The following ATP2B3 variants were observed in gnomAD, a reference collection of about 807,000 sequenced individuals.
ATP2B3 encodes plasma membrane calcium-transporting ATPase 3.
ATP2B3 carries 12 observed loss-of-function variants against 70.8 expected under a neutral mutation model. The observed-to-expected ratio is 0.17, with a 90% confidence interval of 0.11 to 0.27. ATP2B3 has a LOEUF of 0.27. Ranked by LOEUF, ATP2B3 falls within the 10% of genes least tolerant of loss-of-function variation. The probability of loss-of-function intolerance (pLI) is 1.00; values close to 1 mark genes in which losing one functional copy is unlikely to be tolerated. For missense variants in ATP2B3, 858 were observed against 1,118.5 expected (o/e 0.77, Z 3.32); for synonymous variants, 460 against 497.8 (o/e 0.92, Z 1.01).
intron 13 of ATP2B3, 100 bp downstream of exon 13, chrX:153,553,369 C>T (rs781949635): frequency 2.5e-5 from 18 of 713,545 alleles, no homozygotes; most frequent in Non-Finnish European, 3.7e-5. Context: ...ACAGCTGCTG[C>T]GGTCCCTCCG....
At chrX:153,557,234 A>G (rs2090552311) in intron 16 of ATP2B3, among the ~76,000 whole-genome samples, 1 of 112,146 alleles carries the variant, frequency 8.9e-6, no homozygotes, top group African/African-American at 3.2e-5. Flanking sequence ...TGTGATGCCC[A>G]AGGTGACAGT....
At chrX:153,569,255 A>C (rs1557019130) in intron 21 of ATP2B3, 1 of 471,379 alleles carries the variant, frequency 2.1e-6, no homozygotes, top group South Asian at 2.3e-5. Context: ...GGTGTGTTGG[A>C]GAGGAAAAAC....
intron 7 of ATP2B3, among the ~76,000 whole-genome samples, chrX:153,543,460 G>A (rs2090317786): frequency 8.8e-6 from 1 of 113,067 alleles, no homozygotes; most frequent in Non-Finnish European, 1.9e-5. Context: ...GGCGTTAGAG[G>A]GACAGGAGCT....
intron 21 of ATP2B3, chrX:153,569,096 T>A (rs2090751295): frequency 3.5e-6 from 1 of 288,693 alleles, no homozygotes; most frequent in African/African-American, 2.7e-5. Flanking sequence ...ATTCTTCTGC[T>A]GAAGTTTCGA....
intron 9 of ATP2B3, 149 bp from the exon 10 acceptor site, chrX:153,548,491 T>C (rs1192020244): frequency 3.9e-6 from 2 of 514,584 alleles, no homozygotes; most frequent in African/African-American, 4.8e-5. Context: ...GAGCCAAACC[T>C]GGGCTGTTTA....
intron 15 of ATP2B3, 124 bp downstream of exon 15, chrX:153,556,542 C>A: frequency 1.3e-6 from 1 of 744,681 alleles, no homozygotes; most frequent in Non-Finnish European, 2.0e-6. Context: ...TCCATTTGTC[C>A]CATTAGCCCA....
At chrX:153,563,548 C>T (rs781978601) in intron 20 of ATP2B3, among the ~76,000 whole-genome samples, 2 of 112,144 alleles carry the variant, frequency 1.8e-5, no homozygotes, top group East Asian at 5.6e-4. Flanking sequence ...GACAGCCCAC[C>T]CAGTTCCTGT....
rs571781629 is a variant in ATP2B3 at position 153,534,332 on chromosome X, C to T, written c.-126-1790C>T. Among the ~76,000 whole-genome samples, 86 of 112,266 alleles carry T rather than the reference C, an allele frequency of 7.7e-4. No individual in the cohort carries two copies. The South Asian group carries it at 0.025, about 32-fold the overall frequency. ...CTTCCCCAAGCCAGCCTCAGTTTCCCGCATCAGAAAAGCAAGGGCAATTCG... is the reference window on the plus strand; with the variant it reads ...CTTCCCCAAGCCAGCCTCAGTTTCCTGCATCAGAAAAGCAAGGGCAATTCG... On this transcript the variant is annotated intron_variant, in intron 2 of 21. Transcript: ENST00000263519.
At chrX:153,573,189 C>T (rs1430491430) in intron 21 of ATP2B3, among the ~76,000 whole-genome samples, 4 of 112,365 alleles carry the variant, frequency 3.6e-5, no homozygotes, top group Non-Finnish European at 5.6e-5. Context: ...ATGCTGGAAA[C>T]AGATCACAGC....
At chrX:153,559,166 C>G (rs1557015158) in intron 17 of ATP2B3, 1 of 113,418 alleles carries the variant, frequency 8.8e-6, no homozygotes, top group East Asian at 2.8e-4. Flanking sequence ...CCCAAAAGGA[C>G]ACCCAGACCC....
intron 19 of ATP2B3, 86 bp from the exon 20 acceptor site, chrX:153,562,049 G>A: frequency 1.2e-6 from 1 of 868,228 alleles, no homozygotes; most frequent in East Asian, 3.1e-5. Flanking sequence ...AACCAACCAG[G>A]GTGGCTGGGT....
chrX:153,571,140 TG>T (rs1407353714), intron 21 of ATP2B3, among the ~76,000 whole-genome samples: 1 of 112,076 alleles, frequency 8.9e-6, no homozygotes, highest in Non-Finnish European at 1.9e-5. Context: ...CCGTGGCAGT[TG>T]GGCTGAAAAG....
At chrX:153,552,963 C>T in intron 12 of ATP2B3, 72 bp from the exon 13 acceptor site, 2 of 942,908 alleles carry the variant, frequency 2.1e-6, no homozygotes, top group Non-Finnish European at 3.0e-6. Context: ...AGCCCCCAAT[C>T]CAGTGTGACC....
chrX:153,578,042 T>C (rs782783987), intron 21 of ATP2B3, among the ~76,000 whole-genome samples: 108 of 112,220 alleles, frequency 9.6e-4, no homozygotes, highest in Non-Finnish European at 1.8e-3. Context: ...AAAAAGGTGA[T>C]TAATTGTCTA....
rs1268408299 is a variant in ATP2B3, at chrX:153,582,794, T to C, written c.*2496T>C. On this transcript the variant is annotated 3_prime_UTR_variant, in exon 22 of 22. Coordinates refer to ENST00000263519, the MANE Select transcript of ATP2B3 (RefSeq NM_001001344.3). The stretch of plus-strand genomic sequence containing the variant: ...GTTTTACATTTTTATCTGCCTGTTA[T>C]AAAGATGAACAAAAAAACTTAATGA... The C allele has an allele frequency of 3.6e-5, 4 of 112,666 alleles. No homozygotes were observed. Among genetic ancestry groups the C allele is most frequent in the African/African-American group, 9.7e-5 (3 of 30,856 alleles). The allele number at this position is 112,666 out of a possible 1,213,427, so 9.3% of individuals were successfully genotyped here. A position where few individuals can be genotyped will look rare whatever the true frequency, so the allele number is the denominator to read the frequency against.
At chrX:153,539,297 C>A (rs1361568478) in intron 3 of ATP2B3, among the ~76,000 whole-genome samples, 8 of 112,616 alleles carry the variant, frequency 7.1e-5, no homozygotes, top group African/African-American at 2.3e-4. Context: ...CAGGCTCGGG[C>A]CTCAGCAAGA....
At chrX:153,549,810 G>A in intron 11 of ATP2B3, 71 bp downstream of exon 11, 2 of 1,144,070 alleles carry the variant, frequency 1.7e-6, no homozygotes, top group Admixed American at 2.4e-5. Flanking sequence ...CAGGGTGCCA[G>A]GTGAGCTGTT....
rs1455991916 is a variant in ATP2B3 at position 153,550,083 on chromosome X, C to T, written c.1620C>T (p.Gly540=). 1.6e-6 allele frequency: 2 copies of T among 1,212,144 alleles called. No individual in the cohort carries two copies. Among genetic ancestry groups the T allele is most frequent in the East Asian group, 3.0e-5 (1 of 33,844 alleles). The change falls in exon 12 of 22, where the codon GGC becomes GGT. Residue 540 remains glycine (G), a synonymous_variant. Coordinates refer to ENST00000263519, the MANE Select transcript of ATP2B3 (RefSeq NM_001001344.3). ...EKEGALPRQV[G]NKTECALLGF... ...AAGGCGCCCTCCCACGCCAGGTGGG[C>T]AATAAGACGGAGTGCGCCCTGCTGG...
chrX:153,527,226 C>G (rs1196771322), intron 2 of ATP2B3, among the ~76,000 whole-genome samples: 2 of 113,042 alleles, frequency 1.8e-5, no homozygotes, highest in Non-Finnish European at 3.8e-5. Flanking sequence ...TCCACGTGCT[C>G]TCTGGCTATG....
Sources: allele counts gnomAD v4.1 joint callset (sites outside exome capture counted in the v4.1 genomes callset), GRCh38; gene constraint gnomAD v4.1.1; transcripts MANE v1.5; gene names NCBI Gene and HGNC (gene_info 2026-07-23, HGNC 2026-07-21).